Variants in DEPDC1 observed in about 807,000 individuals in gnomAD.
DEPDC1 encodes DEP domain containing 1, also known as DEP domain-containing protein 1A.
DEPDC1 carries 66 observed loss-of-function variants against 86.8 expected under a neutral mutation model. The ratio of observed to expected loss-of-function variants is 0.76; its 90% CI spans 0.62 to 0.93. The LOEUF (loss-of-function observed/expected upper bound fraction) is 0.93. Among genes scored for constraint, DEPDC1 ranks in the 40% least tolerant of loss-of-function variants. DEPDC1 has a pLI of 0.00. For missense variants in DEPDC1, 792 were observed against 935.7 expected, an observed-to-expected ratio of 0.85 and a Z score of 2.00; for synonymous variants, 255 against 314.9, an observed-to-expected ratio of 0.81 and a Z score of 2.02.
At chr1:68,495,564 A>C (rs1461373402) in intron 1 of DEPDC1, among the ~76,000 whole-genome samples, 1 of 152,132 alleles carries the variant, frequency 6.6e-6, no homozygotes, top group East Asian at 1.9e-4. Context: ...TGAGCTGCTC[A>C]CTCTGTACTG....
intron 2 of DEPDC1, 102 bp from the exon 3 acceptor site, chr1:68,489,710 T>C: frequency 1.3e-6 from 1 of 751,136 alleles, no homozygotes; most frequent in South Asian, 2.2e-5. Context: ...GACTTATTAA[T>C]ACTACCAAGT....
chr1:68,479,820 A>G (rs2100245294), intron 9 of DEPDC1, among the ~76,000 whole-genome samples: 1 of 151,996 alleles, frequency 6.6e-6, no homozygotes, highest in East Asian at 1.9e-4. Context: ...AAAAAAAAAA[A>G]AAGTATATCC....
In DEPDC1 at chr1:68,483,174, T is replaced by TA. The variant is rs1226118880; in HGVS notation, c.911-278dup. On this transcript the variant is annotated intron_variant, in intron 7 of 11. Transcript: ENST00000456315. ...TAAATGGATTGAGCCAGAATACATT[T>TA]AAAAAATCTGTTCTCAGTCTGCAAG... 1.1e-5 allele frequency: 6 copies of TA among 535,250 alleles called. No individual in the cohort carries two copies. In the East Asian group the frequency reaches 1.7e-4, roughly 15 times the overall value. The allele number at this position is 535,250 out of a possible 1,614,324, so 33.2% of individuals were successfully genotyped here. A position where few individuals can be genotyped will look rare whatever the true frequency, so the allele number is the denominator to read the frequency against.
intron 2 of DEPDC1, among the ~76,000 whole-genome samples, chr1:68,491,623 CCTCT>C (rs1034041867): frequency 1.2e-4 from 19 of 152,180 alleles, no homozygotes; most frequent in African/African-American, 4.6e-4. Context: ...TTCATATCTC[CCTCT>C]AAGGGAGAGT....
intron 4 of DEPDC1, 36 bp from the exon 5 acceptor site, chr1:68,488,540 A>G (rs750122864): frequency 2.6e-6 from 4 of 1,543,168 alleles, no homozygotes; most frequent in Non-Finnish European, 3.5e-6. Flanking sequence ...TTTTTTCTTC[A>G]TAAATAGATT....
Position 68,489,012 on chromosome 1 carries a change from T to C in DEPDC1, c.494A>G (p.His165Arg). The C allele has an allele frequency of 6.2e-7, 1 of 1,604,932 alleles. No individual in the cohort carries two copies. Among genetic ancestry groups the C allele is most frequent in the African/African-American group, 1.3e-5 (1 of 74,764 alleles). Residue 165 changes from histidine (H) to arginine (R), a missense_variant, in exon 4 of 12, where the codon CAT becomes CGT. His to Arg is a conservative substitution (Grantham distance 29). Transcript: ENST00000456315. ...TTCTTGATCTTCATTGATTATTTCATGCTTTATTTTCTCGCCATTTTCCTG... is the reference window on the plus strand; with the variant it reads ...TTCTTGATCTTCATTGATTATTTCACGCTTTATTTTCTCGCCATTTTCCTG... The part of the protein sequence containing the change: ...LSQENGEKIK[H>R]EIINEDQENA...
At chr1:68,494,296 G>T in intron 2 of DEPDC1, 134 bp downstream of exon 2, 1 of 826,948 alleles carries the variant, frequency 1.2e-6, no homozygotes, top group Non-Finnish European at 1.8e-6. Flanking sequence ...GATTTTAGTT[G>T]AACTAACAGC....
rs772122463 is a variant in DEPDC1 at position 68,488,473 on chromosome 1, C to A, written c.622G>T (p.Glu208Ter). 5 of 1,605,192 alleles carry A rather than the reference C, an allele frequency of 3.1e-6. No individual in the cohort carries two copies. Among genetic ancestry groups the A allele is most frequent in the Non-Finnish European group, 4.2e-6 (5 of 1,176,834 alleles). The change falls in exon 5 of 12, where the codon GAA (glutamate) becomes TAA (stop). Residue 208 changes from glutamate (E) to a stop codon, truncating the protein, a stop_gained. Transcript: ENST00000456315. LOFTEE classifies it high-confidence loss of function. ...ACTTGTTTTGGATTTATGACTTCTT[C>A]TAGGGATGGCACACCTAAAATGGTT... ...LQTILGVPSLEEVINPKQVIP... is the reference protein window; with the variant it reads ...LQTILGVPSL
chr1:68,485,213 G>A (rs1646185578), intron 6 of DEPDC1, among the ~76,000 whole-genome samples: 1 of 151,228 alleles, frequency 6.6e-6, no homozygotes, highest in Non-Finnish European at 1.5e-5. Context: ...GAGCAAAATA[G>A]ATATTTTTCT....
chr1:68,493,359 T>C (rs149065937), intron 2 of DEPDC1, among the ~76,000 whole-genome samples: 2 of 152,208 alleles, frequency 1.3e-5, no homozygotes, highest in South Asian at 2.1e-4. Context: ...CCTAGTTTAA[T>C]GGATACATAA....
In DEPDC1 at chr1:68,475,539, TAGAG is replaced by T. The variant is rs1384477434; in HGVS notation, c.*1389_*1392del. On this transcript the variant is annotated 3_prime_UTR_variant, in exon 12 of 12. Coordinates refer to ENST00000456315, the MANE Select transcript of DEPDC1 (RefSeq NM_001114120.3). Reference sequence around the variant, plus strand: ...TGTTAAATGGAATACTATCATTTTATAGAGAAACAGTATGAAATTACATTGAGAA... The same window carrying T: ...TGTTAAATGGAATACTATCATTTTATAAACAGTATGAAATTACATTGAGAA... The T allele has an allele frequency of 6.6e-6, 1 of 151,810 alleles. No individual in the cohort carries two copies. The highest frequency in any genetic ancestry group is 2.4e-5 in the African/African-American group (1 of 41,368). The allele number at this position is 151,810 out of a possible 1,614,324, so 9.4% of individuals were successfully genotyped here.
At position 68,477,135 on chromosome 1, in the gene DEPDC1, C is replaced by A; in HGVS notation, c.2299-66G>T. ...TTTCCCAAGCTGAAGCAGTGCTCAACATTTTATAAGAATTCAGTGTTTTTC... is the reference window on the plus strand; with the variant it reads ...TTTCCCAAGCTGAAGCAGTGCTCAAAATTTTATAAGAATTCAGTGTTTTTC... On this transcript the variant is annotated intron_variant, in intron 11 of 11. Coordinates refer to ENST00000456315, the MANE Select transcript of DEPDC1 (RefSeq NM_001114120.3). The A allele has an allele frequency of 6.0e-6, 8 of 1,338,352 alleles. No homozygotes were observed. The Middle Eastern group carries it at 5.8e-4, about 98-fold the overall frequency. 82.9% of individuals were successfully genotyped at this position (1,338,352 alleles called of 1,614,324 possible).
At chr1:68,494,769 G>A in intron 1 of DEPDC1, 74 bp from the exon 2 acceptor site, 1 of 1,215,412 alleles carries the variant, frequency 8.2e-7, no homozygotes, top group Non-Finnish European at 1.1e-6. Flanking sequence ...AGTACATTAG[G>A]TAAAGAAAAT....
chr1:68,486,881 AACAC>A (rs55915411), intron 6 of DEPDC1, 52 bp downstream of exon 6: 191,785 of 1,145,606 alleles, frequency 0.17, 2,011 homozygotes, highest in African/African-American at 0.19. Flanking sequence ...CTATCAATAT[AACAC>A]ACACACACAC....
chr1:68,494,347 C>T, intron 2 of DEPDC1, 83 bp downstream of exon 2: 1 of 1,229,738 alleles, frequency 8.1e-7, no homozygotes, highest in Non-Finnish European at 1.1e-6. Flanking sequence ...TTTGAAGAAG[C>T]TGCTGTTATA....
In DEPDC1 at chr1:68,482,191, T is replaced by A. The variant is rs1284191947; in HGVS notation, c.1617A>T (p.Gly539=). 5.0e-6 allele frequency: 8 copies of A among 1,612,812 alleles called. No homozygotes were observed. Among genetic ancestry groups the A allele is most frequent in the Non-Finnish European group, 6.8e-6 (8 of 1,179,196 alleles). ...VAEIIMKPNV[G]QGSTSVQTAM... ...CTGTTTGCACACTTGTGCTGCCTTG[T>A]CCAACATTTGGTTTCATGATAATTT... is the stretch of plus-strand genomic sequence containing the variant. Residue 539 remains glycine (G), a synonymous_variant, in exon 8 of 12, where the codon GGA becomes GGT. Coordinates refer to ENST00000456315, the MANE Select transcript of DEPDC1 (RefSeq NM_001114120.3).
At chr1:68,485,791 A>C (rs934349841) in intron 6 of DEPDC1, among the ~76,000 whole-genome samples, 3 of 152,068 alleles carry the variant, frequency 2.0e-5, no homozygotes, top group Non-Finnish European at 2.9e-5. Flanking sequence ...TATTTAATTT[A>C]TTGCTATTTA....
chr1:68,479,706 G>A (rs909619291), intron 9 of DEPDC1, among the ~76,000 whole-genome samples: 1 of 151,732 alleles, frequency 6.6e-6, no homozygotes. Context: ...GGGAGAGTGA[G>A]GCAGAAGGAT....
intron 10 of DEPDC1, among the ~76,000 whole-genome samples, chr1:68,478,269 G>A (rs1376672245): frequency 4.6e-5 from 7 of 151,762 alleles, no homozygotes; most frequent in Admixed American, 2.0e-4. Flanking sequence ...CCCACAATAA[G>A]CATTAAATAA....
Sources: allele counts gnomAD v4.1 joint callset (sites outside exome capture counted in the v4.1 genomes callset), GRCh38; gene constraint gnomAD v4.1.1; transcripts MANE v1.5; gene names NCBI Gene and HGNC (gene_info 2026-07-23, HGNC 2026-07-21).